Variants in GOT1 observed in about 807,000 individuals in gnomAD.
GOT1 encodes glutamic-oxaloacetic transaminase 1, also known as aspartate aminotransferase, cytoplasmic.
A neutral mutation model predicts 48.2 loss-of-function variants in GOT1; 25 were observed. The observed-to-expected ratio is 0.52, with a 90% CI of 0.38 to 0.72. GOT1 has a LOEUF of 0.72. GOT1 is among the 30% of genes least tolerant of loss of function. The probability of loss-of-function intolerance (pLI) is 0.00; values close to 1 mark genes in which losing one functional copy is unlikely to be tolerated. For missense variants in GOT1, 380 were observed against 520.1 expected (o/e 0.73, Z 2.62); for synonymous variants, 188 against 193.8 (o/e 0.97, Z 0.25).
chr10:99,420,539 G>C, intron 2 of GOT1, 85 bp downstream of exon 2: 1 of 1,022,802 alleles, frequency 9.8e-7, no homozygotes, highest in East Asian at 2.5e-5. Context: ...TAGACATAAC[G>C]CCTAATATTT....
intron 2 of GOT1, among the ~76,000 whole-genome samples, chr10:99,410,995 T>G (rs918588042): frequency 2.0e-5 from 3 of 152,314 alleles, no homozygotes; most frequent in Admixed American, 2.0e-4. Context: ...TACTATGACT[T>G]CACCATGAGG....
intron 1 of GOT1, among the ~76,000 whole-genome samples, chr10:99,425,724 C>T (rs906251610): frequency 2.0e-5 from 3 of 151,972 alleles, no homozygotes; most frequent in African/African-American, 4.8e-5. Flanking sequence ...GTAGTGGGGT[C>T]GACCAAGACC....
intron 1 of GOT1, among the ~76,000 whole-genome samples, chr10:99,422,111 T>C (rs2032977335): frequency 6.6e-6 from 1 of 152,172 alleles, no homozygotes. Context: ...TGATGGACCA[T>C]GGGGGCAGAT....
At chr10:99,412,911 A>G (rs527582300) in intron 2 of GOT1, among the ~76,000 whole-genome samples, 112 of 152,358 alleles carry the variant, frequency 7.4e-4, no homozygotes, top group Admixed American at 1.7e-3. Context: ...ATAACTAACA[A>G]ACAGAAAGGA....
chr10:99,423,234 A>G (rs1206331694), intron 1 of GOT1, among the ~76,000 whole-genome samples: 1 of 152,234 alleles, frequency 6.6e-6, no homozygotes, highest in Non-Finnish European at 1.5e-5. Flanking sequence ...GGTATTTTTC[A>G]TAAATATGAG....
chr10:99,412,203 G>A (rs2032835652), intron 2 of GOT1, among the ~76,000 whole-genome samples: 1 of 152,054 alleles, frequency 6.6e-6, no homozygotes, highest in Non-Finnish European at 1.5e-5. Flanking sequence ...TAGAATGTCA[G>A]GACCTCTAGT....
Position 99,420,714 on chromosome 10 carries a change from C to G in GOT1, c.210G>C (p.Glu70Asp), listed in dbSNP as rs1209043643. 6.2e-6 allele frequency: 10 copies of G among 1,614,024 alleles called. No individual in the cohort carries two copies. The highest frequency in any genetic ancestry group is 3.3e-5 in the South Asian group (3 of 91,078). ...CAGCCAGGCCCAGGATTGGCAGATA[C>G]TCGTGATTTAGGCTATTGTCATTAG... is the stretch of plus-strand genomic sequence containing the variant. ...KIANDNSLNH[E>D]YLPILGLAEF... The change falls in exon 2 of 9, where the codon GAG (glutamate) becomes GAC (aspartate). Residue 70 changes from glutamate (E) to aspartate (D), a missense_variant. Coordinates refer to ENST00000370508, the MANE Select transcript of GOT1 (RefSeq NM_002079.3).
At chr10:99,407,408 C>G (rs58865623) in intron 2 of GOT1, among the ~76,000 whole-genome samples, 6,845 of 151,896 alleles carry the variant, frequency 0.045, 188 homozygotes, top group Middle Eastern at 0.068. Context: ...ATGAGTACTA[C>G]TTTCTTCTCC....
chr10:99,418,060 A>AT (rs199996383), intron 2 of GOT1, among the ~76,000 whole-genome samples: 2,448 of 134,122 alleles, frequency 0.018, 78 homozygotes, highest in African/African-American at 0.059. Context: ...TTAAAAAAAA[A>AT]AATATATATA....
At chr10:99,403,161 C>T (rs2032703405) in intron 7 of GOT1, among the ~76,000 whole-genome samples, 1 of 151,814 alleles carries the variant, frequency 6.6e-6, no homozygotes, top group African/African-American at 2.4e-5. Flanking sequence ...CCTAGACGTT[C>T]GATATTCTAT....
intron 1 of GOT1, chr10:99,430,221 C>T (rs779080282): frequency 1.6e-6 from 2 of 1,287,302 alleles, no homozygotes; most frequent in Non-Finnish European, 2.2e-6. Context: ...GGCTGCTACA[C>T]CTGGTTTGTG....
intron 5 of GOT1, among the ~76,000 whole-genome samples, chr10:99,405,287 A>G (rs1024958669): frequency 6.6e-6 from 1 of 152,180 alleles, no homozygotes; most frequent in African/African-American, 2.4e-5. Context: ...ATTTTGTTAC[A>G]TAATTTTTCA....
rs1564973533 is a variant in GOT1, at chr10:99,418,692, G to A, written c.300+1932C>T. Among the ~76,000 whole-genome samples, 3 of 151,940 alleles carry A rather than the reference G, an allele frequency of 2.0e-5. No homozygotes were observed. In the South Asian group the frequency reaches 6.2e-4, roughly 32 times the overall value. On this transcript the variant is annotated intron_variant, in intron 2 of 8. Coordinates refer to ENST00000370508, the MANE Select transcript of GOT1 (RefSeq NM_002079.3). ...AATTTTTGTATTTCCTTGTAGAAAC[G>A]GGTTTTTGCCATGTTACCCAGGCTG...
intron 1 of GOT1, among the ~76,000 whole-genome samples, chr10:99,422,050 T>C (rs181469069): frequency 3.2e-4 from 49 of 152,290 alleles, no homozygotes; most frequent in Non-Finnish European, 1.3e-4. Flanking sequence ...CTGATATAGT[T>C]TGGCTGTGTG....
Position 99,430,575 on chromosome 10 carries a change from C to G in GOT1, c.-10G>C. ...CTGACGGAGGTGCCATATCGAGAGA[C>G]TAGGAATCAAGAGATTTCACCCCAC... On this transcript the variant is annotated 5_prime_UTR_variant, in exon 1 of 9. Transcript: ENST00000370508. 6.3e-7 allele frequency: 1 copy of G among 1,583,446 alleles called. No individual in the cohort carries two copies. Among genetic ancestry groups the G allele is most frequent in the Non-Finnish European group, 8.6e-7 (1 of 1,162,538 alleles).
Position 99,405,870 on chromosome 10 carries a change from A to G in GOT1, c.538-10T>C, listed in dbSNP as rs778046147. 4.8e-6 allele frequency: 7 copies of G among 1,472,842 alleles called. No individual in the cohort carries two copies. Among genetic ancestry groups the G allele is most frequent in the Non-Finnish European group, 6.7e-6 (7 of 1,051,018 alleles). 91.2% of individuals were successfully genotyped at this position (1,472,842 alleles called of 1,614,324 possible). On this transcript the variant is annotated splice_polypyrimidine_tract_variant and intron_variant, in intron 4 of 8. Coordinates refer to ENST00000370508, the MANE Select transcript of GOT1 (RefSeq NM_002079.3). Reference sequence around the variant, plus strand: ...AGAACTCAGGAGCATTCTGAGGAGAAGGAAGCTATGTCAGCTCTGACACTG... The same window carrying G: ...AGAACTCAGGAGCATTCTGAGGAGAGGGAAGCTATGTCAGCTCTGACACTG...
chr10:99,403,537 G>A lies in GOT1; in HGVS notation c.891C>T (p.Ser297=), dbSNP rs2032714557. 6.2e-7 allele frequency: 1 copy of A among 1,614,008 alleles called. No individual in the cohort carries two copies. The highest frequency in any genetic ancestry group is 8.5e-7 in the Non-Finnish European group (1 of 1,180,012). ...QMEKIVRITW[S]NPPAQGARIV... Reference sequence around the variant, plus strand: ...TTCGTGCTCCCTGGGCGGGGGGATTGGACCAAGTAATCCGCACGATCTTCT... The same window carrying A: ...TTCGTGCTCCCTGGGCGGGGGGATTAGACCAAGTAATCCGCACGATCTTCT... Residue 297 remains serine (S), a synonymous_variant, in exon 7 of 9, where the codon TCC becomes TCT. Coordinates refer to ENST00000370508, the MANE Select transcript of GOT1 (RefSeq NM_002079.3).
At chr10:99,429,050 A>G (rs1316659262) in intron 1 of GOT1, among the ~76,000 whole-genome samples, 1 of 151,538 alleles carries the variant, frequency 6.6e-6, no homozygotes, top group African/African-American at 2.4e-5. Context: ...TCCTTAGTGA[A>G]GACTTTTTTT....
chr10:99,414,606 A>G (rs536636802), intron 2 of GOT1, among the ~76,000 whole-genome samples: 151 of 152,348 alleles, frequency 9.9e-4, no homozygotes, highest in African/African-American at 3.3e-3. Flanking sequence ...AGACATCTAC[A>G]GAACTCTCCA....
Sources: gnomAD v4.1 joint callset for allele counts (sites outside exome capture counted in the v4.1 genomes callset) on GRCh38, gnomAD v4.1.1 for gene constraint, MANE v1.5 for transcripts, NCBI Gene and HGNC (gene_info 2026-07-23, HGNC 2026-07-21) for gene names.